The following TENT2 variants were observed in gnomAD, a reference collection of about 807,000 sequenced individuals.
TENT2 encodes poly(A) RNA polymerase GLD2.
TENT2 carries 44 observed loss-of-function variants against 72.2 expected under a neutral mutation model. That is an observed-to-expected ratio of 0.61 (90% CI 0.48 to 0.78). The LOEUF (loss-of-function observed/expected upper bound fraction) is 0.78, where lower values mean the gene tolerates loss of function less well. TENT2 is among the 30% of genes least tolerant of loss of function. The pLI, the probability that TENT2 is intolerant of heterozygous loss-of-function variation, is 0.00. For missense variants in TENT2, 541 were observed against 569.6 expected (o/e 0.95, Z 0.51); for synonymous variants, 212 against 192.5 (o/e 1.10, Z -0.84).
At chr5:79,681,150 A>AATT (rs1821412764) in intron 13 of TENT2, among the ~76,000 whole-genome samples, 1 of 44,738 alleles carries the variant, frequency 2.2e-5, no homozygotes, top group Non-Finnish European at 4.2e-5. Flanking sequence ...CTTTTCTTTG[A>AATT]TTTTTTTTTT....
intron 4 of TENT2, 48 bp from the exon 5 acceptor site, chr5:79,640,803 T>C: frequency 4.0e-6 from 5 of 1,244,558 alleles, no homozygotes; most frequent in Non-Finnish European, 5.8e-6. Flanking sequence ...AGCAATTACT[T>C]TTACATTGCT....
chr5:79,654,588 AC>A (rs1439909629), intron 10 of TENT2, among the ~76,000 whole-genome samples: 4 of 152,050 alleles, frequency 2.6e-5, no homozygotes, highest in African/African-American at 9.7e-5. Flanking sequence ...ACGTGGCGAA[AC>A]CCTGTCTCTA....
At chr5:79,661,702 T>C (rs771049465) in intron 11 of TENT2, among the ~76,000 whole-genome samples, 27 of 152,048 alleles carry the variant, frequency 1.8e-4, no homozygotes, top group Non-Finnish European at 3.5e-4. Context: ...TTGTGGAGAG[T>C]CTTGCTTTGA....
At chr5:79,644,622 G>A (rs1787280948) in intron 7 of TENT2, 1 of 152,082 alleles carries the variant, frequency 6.6e-6, no homozygotes, top group Non-Finnish European at 1.5e-5. Context: ...ACAATAATTG[G>A]TGTTCACTAA....
In TENT2 at chr5:79,619,786, G is replaced by C. The variant is rs777200096; in HGVS notation, c.137+1G>C. On this transcript the variant is annotated splice_donor_variant, in intron 2 of 14. Transcript: ENST00000453514. LOFTEE classifies it high-confidence loss of function. ...CACAATTCAACTTTCAGAATGCAGA[G>C]TGAGTATGGTGATATTTTGGCCCAT... 1 of 1,609,852 alleles carries C rather than the reference G, an allele frequency of 6.2e-7. No homozygotes were observed. Among genetic ancestry groups the C allele is most frequent in the East Asian group, 2.2e-5 (1 of 44,802 alleles).
intron 4 of TENT2, among the ~76,000 whole-genome samples, chr5:79,636,462 T>TC (rs1780223328): frequency 1.2e-4 from 19 of 152,330 alleles, no homozygotes; most frequent in Admixed American, 3.9e-4. Flanking sequence ...GGCCATACTA[T>TC]CTTGATTACT....
intron 5 of TENT2, 62 bp from the exon 6 acceptor site, chr5:79,641,043 C>A: frequency 1.4e-6 from 2 of 1,471,238 alleles, no homozygotes; most frequent in Non-Finnish European, 1.8e-6. Context: ...TTTTAATAGG[C>A]ACAGAACCAT....
At chr5:79,616,466 A>T (rs536863024) in intron 1 of TENT2, among the ~76,000 whole-genome samples, 12 of 151,762 alleles carry the variant, frequency 7.9e-5, no homozygotes, top group African/African-American at 2.7e-4. Flanking sequence ...AAGTGCTGGG[A>T]TTATAGGCGT....
At chr5:79,632,552 CT>C (rs1296112025) in intron 4 of TENT2, among the ~76,000 whole-genome samples, 6 of 152,050 alleles carry the variant, frequency 3.9e-5, no homozygotes, top group African/African-American at 1.4e-4. Context: ...TGTGAATTGA[CT>C]TATTTGATTT....
At chr5:79,664,189 A>G (rs1314875362) in intron 11 of TENT2, among the ~76,000 whole-genome samples, 1 of 152,188 alleles carries the variant, frequency 6.6e-6, no homozygotes, top group Non-Finnish European at 1.5e-5. Flanking sequence ...TTGCCTAGGA[A>G]TACCAAGGGA....
chr5:79,658,717 C>G (rs929365502), intron 11 of TENT2, among the ~76,000 whole-genome samples: 2 of 152,160 alleles, frequency 1.3e-5, no homozygotes, highest in Non-Finnish European at 2.9e-5. Context: ...ACTTAAAACC[C>G]TATGCTACAT....
chr5:79,672,714 G>A (rs1813921495), intron 12 of TENT2, among the ~76,000 whole-genome samples: 1 of 152,144 alleles, frequency 6.6e-6, no homozygotes, highest in South Asian at 2.1e-4. Context: ...CTCTGTTGAT[G>A]GACACTTAAG....
chr5:79,666,374 T>C (rs1261211924), intron 11 of TENT2, among the ~76,000 whole-genome samples: 2 of 151,258 alleles, frequency 1.3e-5, no homozygotes, highest in African/African-American at 4.9e-5. Flanking sequence ...GTCTTTTCTT[T>C]CTTTTTTTTT....
At chr5:79,675,027 C>T (rs1293361129) in intron 12 of TENT2, among the ~76,000 whole-genome samples, 2 of 151,904 alleles carry the variant, frequency 1.3e-5, no homozygotes, top group East Asian at 3.9e-4. Context: ...TTGGTGTGGA[C>T]TCGAGAAGAC....
At chr5:79,627,577 C>G (rs1279080948) in intron 4 of TENT2, among the ~76,000 whole-genome samples, 1 of 152,154 alleles carries the variant, frequency 6.6e-6, no homozygotes, top group Non-Finnish European at 1.5e-5. Context: ...CCTCCATCTC[C>G]CGGGTTCAAG....
chr5:79,675,780 A>G lies in TENT2; in HGVS notation c.1209-3799A>G, dbSNP rs537735857. On this transcript the variant is annotated intron_variant, in intron 12 of 14. Transcript: ENST00000453514. ...TGAAAATGTGGGCACAGAGATGCCT[A>G]TAGGACATCCAGGTGACAGTTTCCA... Among the ~76,000 whole-genome samples, 14 of 152,314 alleles carry G rather than the reference A, an allele frequency of 9.2e-5. 1 individual carries two copies. In the South Asian group the frequency reaches 2.9e-3, roughly 32 times the overall value.
At chr5:79,613,692 T>C (rs985771393) in intron 1 of TENT2, among the ~76,000 whole-genome samples, 2 of 152,230 alleles carry the variant, frequency 1.3e-5, no homozygotes, top group African/African-American at 4.8e-5. Flanking sequence ...ATGAGTTGTT[T>C]AAGAAATGCC....
intron 1 of TENT2, among the ~76,000 whole-genome samples, chr5:79,618,835 G>A (rs1418683045): frequency 2.6e-5 from 4 of 151,998 alleles, no homozygotes; most frequent in Admixed American, 1.3e-4. Flanking sequence ...TTGTTACTAC[G>A]TTACATAGTT....
At chr5:79,683,643 C>T (rs761777595) in intron 14 of TENT2, among the ~76,000 whole-genome samples, 3 of 152,064 alleles carry the variant, frequency 2.0e-5, no homozygotes, top group Admixed American at 6.5e-5. Context: ...TGGCCGGGCG[C>T]GGTGGCTCAC....
Sources: allele counts gnomAD v4.1 joint callset (sites outside exome capture counted in the v4.1 genomes callset), GRCh38; gene constraint gnomAD v4.1.1; transcripts MANE v1.5; gene names NCBI Gene and HGNC (gene_info 2026-07-23, HGNC 2026-07-21).